Variants in BEND3 observed in about 807,000 individuals in gnomAD.
The protein encoded by BEND3 is BEN domain-containing protein 3.
In BEND3, 13 loss-of-function variants were observed where a neutral mutation model predicts 60.1. That is an observed-to-expected ratio of 0.22 (90% CI 0.14 to 0.34). The LOEUF (loss-of-function observed/expected upper bound fraction) is 0.34, where lower values mean the gene tolerates loss of function less well. BEND3 is among the 10% of genes least tolerant of loss of function. BEND3 has a pLI of 1.00. For synonymous variants in BEND3, 497 were observed against 491.5 expected, an observed-to-expected ratio of 1.01 and a Z score of -0.15; for missense variants, 896 against 1,138.1, an observed-to-expected ratio of 0.79 and a Z score of 3.06.
At chr6:107,091,579 A>G (rs1352353443) in intron 3 of BEND3, among the ~76,000 whole-genome samples, 1 of 152,188 alleles carries the variant, frequency 6.6e-6, no homozygotes, top group African/African-American at 2.4e-5. Flanking sequence ...AATTCCTTAA[A>G]AGACACAATC....
At chr6:107,099,445 C>T in intron 1 of BEND3, 149 bp from the exon 2 acceptor site, 1 of 681,538 alleles carries the variant, frequency 1.5e-6, no homozygotes, top group Non-Finnish European at 2.5e-6. Context: ...TCCTCCTAAT[C>T]TTGTCTGCAG....
In BEND3 at chr6:107,070,449, G is replaced by A; in HGVS notation, c.742C>T (p.Leu248Phe). ...ATCTGCTTGAGCTCTGCGGCTGTGAGCTGGTACTCAGGGGGCGGCTGGAAT... is the reference window on the plus strand; with the variant it reads ...ATCTGCTTGAGCTCTGCGGCTGTGAACTGGTACTCAGGGGGCGGCTGGAAT... ...AKFQPPPEYQLTAAELKQIVD... is the reference protein window; with the variant it reads ...AKFQPPPEYQFTAAELKQIVD... The change falls in exon 4 of 4, where the codon CTC (leucine) becomes TTC (phenylalanine). Residue 248 changes from leucine to phenylalanine, a missense_variant. Transcript: ENST00000369042. This position sits in a 1 kb window ranked among gnomAD's most constrained non-coding sequence, Gnocchi z 6.9. The A allele has an allele frequency of 6.2e-7, 1 of 1,614,150 alleles. No homozygotes were observed. Among genetic ancestry groups the A allele is most frequent in the Admixed American group, 1.7e-5 (1 of 60,026 alleles).
At chr6:107,099,534 A>T (rs1479611053) in intron 1 of BEND3, among the ~76,000 whole-genome samples, 5 of 152,244 alleles carry the variant, frequency 3.3e-5, no homozygotes, top group African/African-American at 1.2e-4. Context: ...AATGTGTCTT[A>T]CAGCATCCAC....
At chr6:107,084,649 C>T (rs1257943377) in intron 3 of BEND3, among the ~76,000 whole-genome samples, 3 of 149,494 alleles carry the variant, frequency 2.0e-5, no homozygotes, top group Non-Finnish European at 4.4e-5. Context: ...AAGGACTGTA[C>T]ACGCACCAAT....
At chr6:107,090,951 A>G (rs1775463126) in intron 3 of BEND3, among the ~76,000 whole-genome samples, 1 of 152,078 alleles carries the variant, frequency 6.6e-6, no homozygotes, top group African/African-American at 2.4e-5. Context: ...CTCTACTAAA[A>G]ATACAAAAAT....
rs1053951687 is a variant in BEND3, at chr6:107,066,951, G to C, written c.*1753C>G. 6.6e-6 allele frequency: 1 copy of C among 152,196 alleles called. No individual in the cohort carries two copies. Among genetic ancestry groups the C allele is most frequent in the Non-Finnish European group, 1.5e-5 (1 of 68,024 alleles). The allele number at this position is 152,196 out of a possible 1,614,324, so 9.4% of individuals were successfully genotyped here. On this transcript the variant is annotated 3_prime_UTR_variant, in exon 4 of 4. Coordinates refer to ENST00000369042, the MANE Select transcript of BEND3 (RefSeq NM_001367314.1). ...AGCTTTTAGTAAGCAGTGCGTGTGT[G>C]CATGAGTAGCTGTGTAAGACAGAGA... is the stretch of plus-strand genomic sequence containing the variant.
rs1391506393 is a variant in BEND3, at chr6:107,115,169, G to C, written c.-91C>G. ...ACGTGGGGGGGAGGGCGCGGGGCCGGGGAGTGGGGGCCGCGCGCGGAGGGC... is the reference window on the plus strand; with the variant it reads ...ACGTGGGGGGGAGGGCGCGGGGCCGCGGAGTGGGGGCCGCGCGCGGAGGGC... On this transcript the variant is annotated 5_prime_UTR_variant, in exon 1 of 4. Transcript: ENST00000369042. The C allele has an allele frequency of 6.7e-6, 1 of 150,332 alleles. No homozygotes were observed. Among genetic ancestry groups the C allele is most frequent in the African/African-American group, 2.4e-5 (1 of 41,128 alleles). 9.3% of individuals were successfully genotyped at this position (150,332 alleles called of 1,614,324 possible).
At chr6:107,114,837 G>A (rs1330093382) in intron 1 of BEND3, among the ~76,000 whole-genome samples, 1 of 148,530 alleles carries the variant, frequency 6.7e-6, no homozygotes, top group East Asian at 2.0e-4. Context: ...CGTTCCGAGC[G>A]GGCACAAAGG....
Position 107,069,969 on chromosome 6 carries a change from C to T in BEND3, c.1222G>A (p.Gly408Ser). The T allele has an allele frequency of 6.2e-7, 1 of 1,613,798 alleles. No individual in the cohort carries two copies. Among genetic ancestry groups the T allele is most frequent in the Non-Finnish European group, 8.5e-7 (1 of 1,180,026 alleles). The stretch of plus-strand genomic sequence containing the variant: ...TGGAGGAGGAAGACGGCAAACTCGC[C>T]TGGTGAGGAGGCTTCGTCCAGGAAC... ...TEFLDEASSP[G>S]EFAVFLLHRL... The change falls in exon 4 of 4, where the codon GGC becomes AGC. Residue 408 changes from glycine to serine, a missense_variant. Transcript: ENST00000369042.
chr6:107,078,219 A>G (rs1338643641), intron 3 of BEND3, among the ~76,000 whole-genome samples: 3 of 152,110 alleles, frequency 2.0e-5, no homozygotes, highest in Non-Finnish European at 4.4e-5. Context: ...CCTGCCTGTG[A>G]CATGCTGTTA....
At chr6:107,114,651 A>G (rs1253320235) in intron 1 of BEND3, among the ~76,000 whole-genome samples, 2 of 140,464 alleles carry the variant, frequency 1.4e-5, no homozygotes, top group East Asian at 4.3e-4. Flanking sequence ...AGCCGCCGCG[A>G]GTACGGCAGA....
At position 107,073,201 on chromosome 6, in the gene BEND3, GTATATATATA is replaced by G. The variant is rs782669876; in HGVS notation, c.241-2261_241-2252del. Among the ~76,000 whole-genome samples, 100 of 22,564 alleles carry G rather than the reference GTATATATATA, an allele frequency of 4.4e-3. 1 individual carries two copies. The highest frequency in any genetic ancestry group is 7.0e-3 in the Admixed American group (14 of 1,986). The allele number at this position is 22,564 out of a possible 152,430, so 14.8% of individuals were successfully genotyped here. ...CTTCCTTCAGGGTTTGTATGTGTATGTATATATATATATATATATATATATATATATATAT... is the reference window on the plus strand; with the variant it reads ...CTTCCTTCAGGGTTTGTATGTGTATGTATATATATATATATATATATATAT... On this transcript the variant is annotated intron_variant, in intron 3 of 3. Coordinates refer to ENST00000369042, the MANE Select transcript of BEND3 (RefSeq NM_001367314.1).
At chr6:107,098,957 A>C (rs139405202) in intron 2 of BEND3, among the ~76,000 whole-genome samples, 1 of 152,202 alleles carries the variant, frequency 6.6e-6, no homozygotes, top group Non-Finnish European at 1.5e-5. Flanking sequence ...GCCATGTTCC[A>C]AGAGCATTTA....
chr6:107,112,279 C>A (rs931642237), intron 1 of BEND3, among the ~76,000 whole-genome samples: 3 of 152,152 alleles, frequency 2.0e-5, no homozygotes, highest in Admixed American at 2.0e-4. Flanking sequence ...TGTGTCAGGG[C>A]TCACTCCAAT....
At chr6:107,112,161 T>C (rs1270387070) in intron 1 of BEND3, among the ~76,000 whole-genome samples, 4 of 152,212 alleles carry the variant, frequency 2.6e-5, no homozygotes, top group Admixed American at 6.5e-5. Flanking sequence ...ACAATTCATA[T>C]AAACATGCTG....
At chr6:107,098,385 C>G (rs1047729080) in intron 3 of BEND3, among the ~76,000 whole-genome samples, 166 bp downstream of exon 3, 1 of 152,174 alleles carries the variant, frequency 6.6e-6, no homozygotes, top group Admixed American at 6.5e-5. Flanking sequence ...CAGTTAAAGA[C>G]AGACACTTTC....
intron 3 of BEND3, among the ~76,000 whole-genome samples, chr6:107,078,151 T>C (rs1477445638): frequency 6.6e-6 from 1 of 152,190 alleles, no homozygotes; most frequent in African/African-American, 2.4e-5. Flanking sequence ...GGAGGTTTTT[T>C]CTTCTAAGCA....
At chr6:107,101,093 T>G (rs1264431702) in intron 1 of BEND3, among the ~76,000 whole-genome samples, 2 of 152,084 alleles carry the variant, frequency 1.3e-5, no homozygotes, top group African/African-American at 4.8e-5. Flanking sequence ...TCCCAGCTAC[T>G]TGGGAGACTG....
rs781783585 is a variant in BEND3, at chr6:107,070,570, C to T, written c.621G>A (p.Thr207=). The T allele has an allele frequency of 1.6e-5, 25 of 1,612,724 alleles. No homozygotes were observed. The highest frequency in any genetic ancestry group is 5.3e-5 in the African/African-American group (4 of 74,862). Reference sequence around the variant, plus strand: ...TGCTGTGCAGCTGGGACATGTTGGACGTGAGGGTGTTCAGCATGTAGAACA... The same window carrying T: ...TGCTGTGCAGCTGGGACATGTTGGATGTGAGGGTGTTCAGCATGTAGAACA... ...QKMFYMLNTL[T]SNMSQLHSKV... Residue 207 remains threonine (T), a synonymous_variant, in exon 4 of 4, where the codon ACG becomes ACA. Coordinates refer to ENST00000369042, the MANE Select transcript of BEND3 (RefSeq NM_001367314.1). The surrounding 1 kb of genome is among the most constrained non-coding windows in gnomAD (Gnocchi z 6.9).
Sources: allele counts gnomAD v4.1 joint callset (sites outside exome capture counted in the v4.1 genomes callset), GRCh38; gene constraint gnomAD v4.1.1; non-coding constraint Gnocchi (gnomAD v3.1); transcripts MANE v1.5; gene names NCBI Gene and HGNC (gene_info 2026-07-23, HGNC 2026-07-21).